The following DPP10 variants were observed in gnomAD, a reference collection of about 807,000 sequenced individuals.
DPP10 encodes dipeptidyl peptidase like 10, also known as inactive dipeptidyl peptidase 10.
In DPP10, 33 loss-of-function variants were observed where a neutral mutation model predicts 120.9. That is an observed-to-expected ratio of 0.27 (90% CI 0.21 to 0.37). DPP10 has a LOEUF of 0.37. Ranked by LOEUF, DPP10 falls within the 10% of genes least tolerant of loss-of-function variation. The probability of loss-of-function intolerance (pLI) is 1.00; values close to 1 mark genes in which losing one functional copy is unlikely to be tolerated. For synonymous variants in DPP10, 337 were observed against 326.1 expected, an observed-to-expected ratio of 1.03 and a Z score of -0.36; for missense variants, 816 against 942.8, an observed-to-expected ratio of 0.87 and a Z score of 1.76.
chr2:115,469,147 G>A (rs183339662), intron 3 of DPP10, among the ~76,000 whole-genome samples: 26 of 152,026 alleles, frequency 1.7e-4, no homozygotes, highest in Admixed American at 1.2e-3. Context: ...GGCTGGTCTC[G>A]AGGTTCTTAA....
chr2:115,676,170 G>T (rs1457592158), intron 5 of DPP10, among the ~76,000 whole-genome samples: 1 of 152,154 alleles, frequency 6.6e-6, no homozygotes, highest in Non-Finnish European at 1.5e-5. Flanking sequence ...TACTTGAAGG[G>T]TCTGAAGGCT....
intron 21 of DPP10, 56 bp from the exon 22 acceptor site, chr2:115,836,099 ATG>A (rs10549769): frequency 0.74 from 444,813 of 603,128 alleles, 157,800 homozygotes; most frequent in Middle Eastern, 0.81. Context: ...GTGTGTGTGT[ATG>A]TGTGTGTGTG....
intron 7 of DPP10, among the ~76,000 whole-genome samples, chr2:115,726,650 G>A (rs2092771959): frequency 6.6e-6 from 1 of 152,046 alleles, no homozygotes; most frequent in Non-Finnish European, 1.5e-5. Flanking sequence ...AGATCCTGTT[G>A]TAGCGGTGGA....
chr2:115,622,854 G>GT (rs2085070062), intron 5 of DPP10, among the ~76,000 whole-genome samples: 1 of 101,316 alleles, frequency 9.9e-6, no homozygotes, highest in African/African-American at 3.8e-5. Context: ...TTTGTTTTTT[G>GT]TTTTTTGAGA....
intron 1 of DPP10, among the ~76,000 whole-genome samples, chr2:114,690,908 C>T (rs1699697910): frequency 6.6e-6 from 1 of 152,026 alleles, no homozygotes. Context: ...AATTTTTGCA[C>T]ATAGATTTTG....
chr2:115,448,994 A>C (rs1408755185), intron 3 of DPP10, among the ~76,000 whole-genome samples: 1 of 152,180 alleles, frequency 6.6e-6, no homozygotes, highest in African/African-American at 2.4e-5. Context: ...AAGACACTCA[A>C]TAAATATTTG....
In DPP10 at chr2:115,830,339, C is replaced by G. The variant is rs779215708; in HGVS notation, c.1951-5818C>G. The stretch of plus-strand genomic sequence containing the variant: ...CACCACTGCACTCCAGCCTGGGCAA[C>G]AAGAGAAAAATTCTGTCTCAAAAAA... On this transcript the variant is annotated intron_variant, in intron 21 of 25. Transcript: ENST00000410059. Among the ~76,000 whole-genome samples the G allele has an allele frequency of 1.4e-4, 13 of 91,462 alleles. No homozygotes were observed. In the East Asian group the frequency reaches 2.0e-3, roughly 14 times the overall value. The allele number at this position is 91,462 out of a possible 152,430, so 60.0% of individuals were successfully genotyped here. A position where few individuals can be genotyped will look rare whatever the true frequency, so the allele number is the denominator to read the frequency against.
chr2:114,951,444 G>T (rs1318356463), intron 1 of DPP10, among the ~76,000 whole-genome samples: 2 of 151,900 alleles, frequency 1.3e-5, no homozygotes, highest in African/African-American at 2.4e-5. Flanking sequence ...GTATTTTTTT[G>T]ACTTTTAATT....
Position 115,457,747 on chromosome 2 carries a change from G to C in DPP10, c.272-41763G>C, listed in dbSNP as rs139295421. On this transcript the variant is annotated intron_variant, in intron 3 of 25. Transcript: ENST00000410059. ...GAAATACAACACTTGGGGAGACAAC[G>C]TGACAGTTTCCTAAAAAGTAAAATG... is the stretch of plus-strand genomic sequence containing the variant. Among the ~76,000 whole-genome samples, 13 of 152,166 alleles carry C rather than the reference G, an allele frequency of 8.5e-5. 1 individual carries two copies. Among genetic ancestry groups the C allele is most frequent in the African/African-American group, 3.1e-4 (13 of 41,524 alleles).
chr2:115,188,066 A>G lies in DPP10; in HGVS notation c.61-121173A>G, dbSNP rs1054110195. ...GAGAGGGAGAGAGAGAGGCAAAGAG[A>G]GAGAGAGAGAGAGAGAGAGCGCACT... is the stretch of plus-strand genomic sequence containing the variant. On this transcript the variant is annotated intron_variant, in intron 1 of 25. Coordinates refer to ENST00000410059, the MANE Select transcript of DPP10 (RefSeq NM_020868.6). 2.7e-5 allele frequency among the ~76,000 whole-genome samples: 4 copies of G among 150,358 alleles called. No individual in the cohort carries two copies. The South Asian group carries it at 8.4e-4, about 31-fold the overall frequency.
At chr2:114,682,124 G>C (rs1250576711) in intron 1 of DPP10, among the ~76,000 whole-genome samples, 1 of 151,862 alleles carries the variant, frequency 6.6e-6, no homozygotes, top group African/African-American at 2.4e-5. Context: ...CCTAGACCCG[G>C]CAACATGACT....
At chr2:114,658,281 A>G (rs1004687870) in intron 1 of DPP10, among the ~76,000 whole-genome samples, 2 of 152,152 alleles carry the variant, frequency 1.3e-5, no homozygotes, top group Non-Finnish European at 2.9e-5. Context: ...GACATGGTGG[A>G]GAGAGTATAT....
chr2:114,729,972 A>C (rs976756214), intron 1 of DPP10, among the ~76,000 whole-genome samples: 1 of 152,244 alleles, frequency 6.6e-6, no homozygotes, highest in African/African-American at 2.4e-5. Context: ...CCTACTTGTC[A>C]ATAGCTCAGA....
Position 114,712,869 on chromosome 2 carries a change from G to A in DPP10, c.60+270031G>A, listed in dbSNP as rs186797819. On this transcript the variant is annotated intron_variant, in intron 1 of 25. Transcript: ENST00000410059. ...CTTCAAATTTAACATGCCATTTAGAGTTGTATAATATTATTTCAAAGTCTA... is the reference window on the plus strand; with the variant it reads ...CTTCAAATTTAACATGCCATTTAGAATTGTATAATATTATTTCAAAGTCTA... 7.2e-5 allele frequency among the ~76,000 whole-genome samples: 11 copies of A among 151,994 alleles called. No individual in the cohort carries two copies. The East Asian group carries it at 1.5e-3, about 21-fold the overall frequency.
intron 15 of DPP10, among the ~76,000 whole-genome samples, chr2:115,780,266 T>C (rs2149861279): frequency 6.6e-6 from 1 of 152,086 alleles, no homozygotes; most frequent in East Asian, 1.9e-4. Flanking sequence ...ATGACTCTTC[T>C]TTTTACCACC....
chr2:114,982,292 A>G (rs1242296814), intron 1 of DPP10, among the ~76,000 whole-genome samples: 2 of 152,210 alleles, frequency 1.3e-5, no homozygotes, highest in Non-Finnish European at 2.9e-5. Context: ...ATCATTATGG[A>G]CTATTAACAT....
At chr2:115,629,138 C>A (rs2149309922) in intron 5 of DPP10, among the ~76,000 whole-genome samples, 1 of 152,290 alleles carries the variant, frequency 6.6e-6, no homozygotes, top group South Asian at 2.1e-4. Context: ...CTACAGAGGA[C>A]ACGAACTCAT....
At chr2:115,298,848 G>T (rs192919710) in intron 1 of DPP10, among the ~76,000 whole-genome samples, 24 of 152,108 alleles carry the variant, frequency 1.6e-4, no homozygotes, top group African/African-American at 5.8e-4. Flanking sequence ...TGTCTAAATA[G>T]GTAGACAGAA....
At chr2:115,615,014 A>G (rs1303979508) in intron 5 of DPP10, among the ~76,000 whole-genome samples, 1 of 152,210 alleles carries the variant, frequency 6.6e-6, no homozygotes, top group Non-Finnish European at 1.5e-5. Flanking sequence ...ATGCAGAGGC[A>G]GAGGAAAAGA....
Sources: gnomAD v4.1 joint callset for allele counts (sites outside exome capture counted in the v4.1 genomes callset) on GRCh38, gnomAD v4.1.1 for gene constraint, MANE v1.5 for transcripts, NCBI Gene and HGNC (gene_info 2026-07-23, HGNC 2026-07-21) for gene names.